The following SKA2 variants were observed in gnomAD, a reference collection of about 807,000 sequenced individuals.
SKA2 encodes spindle and kinetochore associated complex subunit 2.
Under a neutral mutation model 16.9 loss-of-function variants are expected in SKA2, and 13 were observed. That is an observed-to-expected ratio of 0.77 (90% CI 0.50 to 1.22). The LOEUF (loss-of-function observed/expected upper bound fraction) is 1.22, where lower values mean the gene tolerates loss of function less well. Ranked by LOEUF, SKA2 falls within the 50% of genes most tolerant of loss-of-function variation. SKA2 has a pLI of 0.00. For synonymous variants in SKA2, 47 were observed against 48.5 expected (o/e 0.97, Z 0.13); for missense variants, 107 against 139.7 (o/e 0.77, Z 1.18).
chr17:59,145,378 A>G (rs1039719618), intron 1 of SKA2, among the ~76,000 whole-genome samples: 10 of 152,108 alleles, frequency 6.6e-5, no homozygotes, highest in African/African-American at 1.4e-4. Context: ...CCCCAGTTGT[A>G]CAATAAACAC....
intron 1 of SKA2, among the ~76,000 whole-genome samples, chr17:59,146,605 C>A (rs111817177): frequency 0.022 from 3,417 of 152,184 alleles, 150 homozygotes; most frequent in African/African-American, 0.076. Flanking sequence ...ATTAGAAGTA[C>A]GAGCTTATAA....
intron 2 of SKA2, among the ~76,000 whole-genome samples, chr17:59,120,415 AT>A (rs1012911090): frequency 5.5e-4 from 83 of 150,040 alleles, no homozygotes; most frequent in African/African-American, 1.9e-3. Flanking sequence ...CTTTTCTTTA[AT>A]TTTTTTTTTA....
At chr17:59,119,564 G>T in intron 2 of SKA2, 69 bp from the exon 3 acceptor site, 1 of 1,352,448 alleles carries the variant, frequency 7.4e-7, no homozygotes, top group Non-Finnish European at 1.0e-6. Context: ...TTAAAATACT[G>T]TATACATACA....
At chr17:59,121,834 T>C (rs1234463923) in intron 2 of SKA2, among the ~76,000 whole-genome samples, 1 of 139,018 alleles carries the variant, frequency 7.2e-6, no homozygotes, top group African/African-American at 2.7e-5. Context: ...TAGCCAGGCG[T>C]GTCGGCATGC....
chr17:59,151,749 G>T (rs921518061), intron 1 of SKA2: 1 of 153,794 alleles, frequency 6.5e-6, no homozygotes, highest in African/African-American at 2.4e-5. Context: ...ACTAAACAAA[G>T]AAAACACAAA....
chr17:59,148,862 T>C (rs1375902868), intron 1 of SKA2, among the ~76,000 whole-genome samples: 7 of 145,336 alleles, frequency 4.8e-5, no homozygotes, highest in Non-Finnish European at 9.1e-5. Context: ...TTGTGAGACA[T>C]TTCACTAAAG....
intron 1 of SKA2, among the ~76,000 whole-genome samples, chr17:59,143,097 C>G (rs915177603): frequency 2.0e-5 from 3 of 151,462 alleles, no homozygotes; most frequent in African/African-American, 7.3e-5. Context: ...AAAGATGTCT[C>G]TCTTATTTAT....
chr17:59,112,876 A>G (rs2046272503), intron 3 of SKA2, among the ~76,000 whole-genome samples: 1 of 152,072 alleles, frequency 6.6e-6, no homozygotes, highest in Non-Finnish European at 1.5e-5. Context: ...AAGTCTACAG[A>G]TGTTCAGTAC....
At chr17:59,144,453 G>A (rs1266423000) in intron 1 of SKA2, among the ~76,000 whole-genome samples, 1 of 152,160 alleles carries the variant, frequency 6.6e-6, no homozygotes, top group East Asian at 1.9e-4. Context: ...AAAGAGATAT[G>A]TGTATACCCA....
chr17:59,111,146 C>G lies in SKA2; in HGVS notation c.*1131G>C, dbSNP rs1280401628. 1 of 152,134 alleles carries G rather than the reference C, an allele frequency of 6.6e-6. No individual in the cohort carries two copies. Among genetic ancestry groups the G allele is most frequent in the Admixed American group, 6.6e-5 (1 of 15,256 alleles). 9.4% of individuals were successfully genotyped at this position (152,134 alleles called of 1,614,324 possible). Reference sequence around the variant, plus strand: ...TTAAGTGATCTGCACAGGGTCATAGCTAGAATTTAAAAGCTGCTACTTACA... The same window carrying G: ...TTAAGTGATCTGCACAGGGTCATAGGTAGAATTTAAAAGCTGCTACTTACA... On this transcript the variant is annotated 3_prime_UTR_variant, in exon 4 of 4. Coordinates refer to ENST00000330137, the MANE Select transcript of SKA2 (RefSeq NM_182620.4).
chr17:59,126,072 G>A (rs2046370366), intron 2 of SKA2, among the ~76,000 whole-genome samples: 1 of 152,000 alleles, frequency 6.6e-6, no homozygotes, highest in Non-Finnish European at 1.5e-5. Flanking sequence ...TCGGGAGGCT[G>A]AGGCAGGAGA....
intron 3 of SKA2, among the ~76,000 whole-genome samples, chr17:59,118,824 C>A (rs1599658866): frequency 1.3e-5 from 2 of 152,164 alleles, no homozygotes; most frequent in Non-Finnish European, 2.9e-5. Context: ...GGGTAATTAA[C>A]CTTTCTGATT....
chr17:59,151,958 T>G (rs1442967927), intron 1 of SKA2, among the ~76,000 whole-genome samples: 2 of 152,154 alleles, frequency 1.3e-5, no homozygotes, highest in Non-Finnish European at 2.9e-5. Flanking sequence ...CTTAGAAATG[T>G]CAAAGAGAAA....
chr17:59,115,725 C>G (rs2046292010), intron 3 of SKA2, among the ~76,000 whole-genome samples: 1 of 152,144 alleles, frequency 6.6e-6, no homozygotes, highest in African/African-American at 2.4e-5. Context: ...TCCCAAGTAG[C>G]TGCGACTACA....
At chr17:59,148,288 A>G (rs2046549417) in intron 1 of SKA2, among the ~76,000 whole-genome samples, 2 of 152,206 alleles carry the variant, frequency 1.3e-5, no homozygotes, top group African/African-American at 2.4e-5. Context: ...TAACATAACA[A>G]TTCTCTATCC....
chr17:59,118,503 C>G (rs1039132057), intron 3 of SKA2, among the ~76,000 whole-genome samples: 10 of 152,046 alleles, frequency 6.6e-5, no homozygotes, highest in African/African-American at 2.4e-4. Flanking sequence ...ATTTGTTTTC[C>G]AAGAACAAGG....
intron 2 of SKA2, among the ~76,000 whole-genome samples, chr17:59,123,679 G>C (rs2046352706): frequency 6.6e-6 from 1 of 152,118 alleles, no homozygotes; most frequent in Admixed American, 6.6e-5. Flanking sequence ...ATCCCAAGTA[G>C]CTGGGACTAC....
In SKA2 at chr17:59,119,411, C is replaced by T. The variant is rs1294007645; in HGVS notation, c.205G>A (p.Val69Ile). The T allele has an allele frequency of 3.1e-6, 5 of 1,613,872 alleles. No homozygotes were observed. In the African/African-American group the frequency reaches 4.0e-5, roughly 13 times the overall value. The change falls in exon 3 of 4, where the codon GTT becomes ATT. Residue 69 changes from valine (V) to isoleucine (I), a missense_variant. Transcript: ENST00000330137. ...CGGCTCTTACTCTCTTTCTGCTCAACAGCAACTGGTTTAAAGCGGGCATAC... is the reference window on the plus strand; with the variant it reads ...CGGCTCTTACTCTCTTTCTGCTCAATAGCAACTGGTTTAAAGCGGGCATAC... ...TLYARFKPVA[V>I]EQKESKSRIC...
intron 2 of SKA2, among the ~76,000 whole-genome samples, chr17:59,127,739 AAC>A: frequency 6.6e-6 from 1 of 152,252 alleles, no homozygotes; most frequent in East Asian, 1.9e-4. Context: ...TGCCTTGGAA[AAC>A]AGTTTGGTAG....
Sources: allele counts gnomAD v4.1 joint callset (sites outside exome capture counted in the v4.1 genomes callset), GRCh38; gene constraint gnomAD v4.1.1; transcripts MANE v1.5; gene names NCBI Gene and HGNC (gene_info 2026-07-23, HGNC 2026-07-21).